The following KCNQ3 variants were observed in gnomAD, a reference collection of about 807,000 sequenced individuals.
The protein encoded by KCNQ3 is potassium voltage-gated channel subfamily KQT member 3.
KCNQ3 carries 30 observed loss-of-function variants against 92.5 expected under a neutral mutation model. That is an observed-to-expected ratio of 0.32 (90% CI 0.24 to 0.44). The LOEUF (loss-of-function observed/expected upper bound fraction) is 0.44, where lower values mean the gene tolerates loss of function less well. Ranked by LOEUF, KCNQ3 falls within the 20% of genes least tolerant of loss-of-function variation. The pLI is 1.00. For missense variants in KCNQ3, 913 were observed against 1,140.3 expected, an observed-to-expected ratio of 0.80 and a Z score of 2.87; for synonymous variants, 450 against 468.8, an observed-to-expected ratio of 0.96 and a Z score of 0.52.
intron 1 of KCNQ3, among the ~76,000 whole-genome samples, chr8:132,276,160 T>C (rs537567425): frequency 6.6e-6 from 1 of 152,178 alleles, no homozygotes; most frequent in Non-Finnish European, 1.5e-5. Context: ...AAGAACTCAA[T>C]TTTTATTTTT....
At chr8:132,422,078 TCA>T (rs1820981391) in intron 1 of KCNQ3, among the ~76,000 whole-genome samples, 1 of 152,092 alleles carries the variant, frequency 6.6e-6, no homozygotes, top group African/African-American at 2.4e-5. Context: ...CTCCACCAGC[TCA>T]CACCAACAAT....
At chr8:132,405,835 A>T (rs1471350607) in intron 1 of KCNQ3, among the ~76,000 whole-genome samples, 2 of 152,110 alleles carry the variant, frequency 1.3e-5, no homozygotes, top group East Asian at 3.9e-4. Flanking sequence ...ATGGAGGAGG[A>T]GAATAAAAAG....
chr8:132,479,656 C>T (rs1191458787), intron 1 of KCNQ3, among the ~76,000 whole-genome samples: 2 of 149,258 alleles, frequency 1.3e-5, no homozygotes, highest in Non-Finnish European at 3.0e-5. Flanking sequence ...CACACACACA[C>T]GCTCCCCACT....
chr8:132,232,351 G>A (rs1255138214), intron 1 of KCNQ3, among the ~76,000 whole-genome samples: 12 of 152,166 alleles, frequency 7.9e-5, no homozygotes, highest in Non-Finnish European at 4.4e-5. Context: ...TAGGTTGTTG[G>A]ACCATTCCTT....
intron 4 of KCNQ3, among the ~76,000 whole-genome samples, chr8:132,178,724 T>C (rs149610615): frequency 6.6e-5 from 10 of 151,926 alleles, no homozygotes; most frequent in African/African-American, 9.7e-5. Context: ...ATCCTTGAGA[T>C]AGAGAACCAG....
chr8:132,285,634 C>T (rs1401205913), intron 1 of KCNQ3, among the ~76,000 whole-genome samples: 10 of 152,184 alleles, frequency 6.6e-5, no homozygotes, highest in Non-Finnish European at 1.2e-4. Flanking sequence ...GAATGAAGAA[C>T]GTCTTCAGGA....
chr8:132,403,410 T>C (rs1820401160), intron 1 of KCNQ3, among the ~76,000 whole-genome samples: 1 of 152,126 alleles, frequency 6.6e-6, no homozygotes, highest in South Asian at 2.1e-4. Flanking sequence ...ATTCCCGCTC[T>C]TCAGGGAGCA....
intron 1 of KCNQ3, among the ~76,000 whole-genome samples, chr8:132,335,716 G>T (rs917531851): frequency 2.0e-5 from 3 of 152,206 alleles, no homozygotes; most frequent in Admixed American, 1.3e-4. Flanking sequence ...AACGATCCAA[G>T]AGTTAGTGAT....
At chr8:132,235,451 A>T (rs1814782688) in intron 1 of KCNQ3, among the ~76,000 whole-genome samples, 1 of 152,148 alleles carries the variant, frequency 6.6e-6, no homozygotes, top group Non-Finnish European at 1.5e-5. Context: ...CAGTGAGCTG[A>T]GATCACACCA....
At chr8:132,221,286 G>A (rs1387637971) in intron 1 of KCNQ3, among the ~76,000 whole-genome samples, 1 of 152,172 alleles carries the variant, frequency 6.6e-6, no homozygotes, top group Admixed American at 6.5e-5. Context: ...ACATGTGCAT[G>A]TGTCTTTATA....
intron 1 of KCNQ3, among the ~76,000 whole-genome samples, chr8:132,230,878 T>C (rs367719851): frequency 1.3e-5 from 2 of 152,198 alleles, no homozygotes; most frequent in African/African-American, 2.4e-5. Context: ...AAAAAATTTA[T>C]GTTGAAGTCC....
intron 1 of KCNQ3, among the ~76,000 whole-genome samples, chr8:132,305,249 A>C (rs1817382874): frequency 6.6e-6 from 1 of 152,240 alleles, no homozygotes; most frequent in African/African-American, 2.4e-5. Flanking sequence ...ATACCAGCTC[A>C]TTCAGTCCCA....
intron 1 of KCNQ3, among the ~76,000 whole-genome samples, chr8:132,333,734 AAAT>A (rs912347763): frequency 1.6e-5 from 2 of 128,478 alleles, no homozygotes; most frequent in African/African-American, 5.7e-5. Context: ...TTTATGAAAC[AAAT>A]TTTTTTTTTT....
At chr8:132,225,411 TC>T (rs1479665531) in intron 1 of KCNQ3, among the ~76,000 whole-genome samples, 2 of 152,152 alleles carry the variant, frequency 1.3e-5, no homozygotes, top group African/African-American at 4.8e-5. Flanking sequence ...AGCTTGAAGT[TC>T]TTCTAAAAAG....
At position 132,172,397 on chromosome 8, in the gene KCNQ3, TACACACACAC is replaced by T. The variant is rs35831322; in HGVS notation, c.1140+191_1140+200del. 7.1e-3 allele frequency among the ~76,000 whole-genome samples: 994 copies of T among 140,486 alleles called. 10 individuals carry two copies. The highest frequency in any genetic ancestry group is 0.025 in the African/African-American group (938 of 38,138). The allele number at this position is 140,486 out of a possible 152,430, so 92.2% of individuals were successfully genotyped here. A position where few individuals can be genotyped will look rare whatever the true frequency, so the allele number is the denominator to read the frequency against. ...GCCTGCTCCTGCCTGGGCACATTAA[TACACACACAC>T]ACACACACACACACACACACACACA... On this transcript the variant is annotated intron_variant, in intron 7 of 14. Coordinates refer to ENST00000388996, the MANE Select transcript of KCNQ3 (RefSeq NM_004519.4).
intron 1 of KCNQ3, among the ~76,000 whole-genome samples, chr8:132,382,447 G>A (rs1819777877): frequency 6.6e-6 from 1 of 152,124 alleles, no homozygotes; most frequent in Non-Finnish European, 1.5e-5. Flanking sequence ...AAAGCTTCCT[G>A]AGGCTTCACC....
intron 1 of KCNQ3, among the ~76,000 whole-genome samples, chr8:132,285,002 C>A (rs1402267000): frequency 1.3e-5 from 2 of 152,280 alleles, no homozygotes; most frequent in East Asian, 3.9e-4. Flanking sequence ...CTTAGACTTC[C>A]CAACCTCTAG....
At chr8:132,205,612 T>G (rs1013006811) in intron 1 of KCNQ3, among the ~76,000 whole-genome samples, 1 of 152,244 alleles carries the variant, frequency 6.6e-6, no homozygotes, top group African/African-American at 2.4e-5. Flanking sequence ...CTCAAGTTTT[T>G]GTGACTCAGG....
chr8:132,472,983 G>T (rs1822329320), intron 1 of KCNQ3, among the ~76,000 whole-genome samples: 1 of 152,154 alleles, frequency 6.6e-6, no homozygotes, highest in African/African-American at 2.4e-5. Context: ...ATTCAGGAAG[G>T]TTGAGCAAAT....
Sources: allele counts gnomAD v4.1 joint callset (sites outside exome capture counted in the v4.1 genomes callset), GRCh38; gene constraint gnomAD v4.1.1; transcripts MANE v1.5; gene names NCBI Gene and HGNC (gene_info 2026-07-23, HGNC 2026-07-21).